TLL1: variants seen among roughly 807,000 people sequenced by gnomAD.
TLL1 encodes tolloid like 1, also known as tolloid-like protein 1.
TLL1 carries 49 observed loss-of-function variants against 128.2 expected under a neutral mutation model. The observed-to-expected ratio is 0.38, with a 90% CI of 0.30 to 0.48. The LOEUF (loss-of-function observed/expected upper bound fraction) is 0.48, where lower values mean the gene tolerates loss of function less well. TLL1 is among the 20% of genes least tolerant of loss of function. The pLI, the probability that TLL1 is intolerant of heterozygous loss-of-function variation, is 0.96. For missense variants in TLL1, 1,123 were observed against 1,242.0 expected (o/e 0.90, Z 1.44); for synonymous variants, 454 against 418.8 (o/e 1.08, Z -1.03).
At chr4:165,998,034 C>T (rs930727952) in intron 5 of TLL1, among the ~76,000 whole-genome samples, 2 of 152,158 alleles carry the variant, frequency 1.3e-5, no homozygotes, top group Non-Finnish European at 2.9e-5. Flanking sequence ...ACTTTCTCAG[C>T]TACTTATCCT....
intron 14 of TLL1, 91 bp downstream of exon 14, chr4:166,057,400 T>G: frequency 1.9e-6 from 3 of 1,540,164 alleles, no homozygotes; most frequent in Non-Finnish European, 1.8e-6. Context: ...TTTCTTTCCC[T>G]TTTTCCTATA....
At chr4:166,058,681 C>G (rs1269018943) in intron 14 of TLL1, among the ~76,000 whole-genome samples, 1 of 152,114 alleles carries the variant, frequency 6.6e-6, no homozygotes, top group Non-Finnish European at 1.5e-5. Context: ...CTTTATTCCT[C>G]TTTTAAAATT....
intron 1 of TLL1, among the ~76,000 whole-genome samples, chr4:165,942,516 G>T (rs536900246): frequency 6.6e-6 from 1 of 151,762 alleles, no homozygotes; most frequent in African/African-American, 2.4e-5. Context: ...TGTATCACCA[G>T]AACGTAATCT....
intron 7 of TLL1, among the ~76,000 whole-genome samples, chr4:166,009,761 T>C (rs1737600158): frequency 6.6e-6 from 1 of 151,450 alleles, no homozygotes; most frequent in African/African-American, 2.4e-5. Flanking sequence ...AAAGAAAAAT[T>C]TGACATAGGT....
At chr4:165,945,628 T>C (rs1734210748) in intron 1 of TLL1, among the ~76,000 whole-genome samples, 2 of 151,896 alleles carry the variant, frequency 1.3e-5, no homozygotes, top group Non-Finnish European at 2.9e-5. Flanking sequence ...GAACAACAAC[T>C]AAAAAGATTA....
rs571432761 is a variant in TLL1, at chr4:166,095,299, G to A, written c.2656+3958G>A. On this transcript the variant is annotated intron_variant, in intron 19 of 20. Coordinates refer to ENST00000061240, the MANE Select transcript of TLL1 (RefSeq NM_012464.5). Reference sequence around the variant, plus strand: ...CGGAAAATGGACTTAATTGGAAAGAGTTCTTTTTTCCTCTGATAGTTTGCT... The same window carrying A: ...CGGAAAATGGACTTAATTGGAAAGAATTCTTTTTTCCTCTGATAGTTTGCT... Among the ~76,000 whole-genome samples the A allele has an allele frequency of 1.1e-4, 17 of 152,158 alleles. No homozygotes were observed. The South Asian group carries it at 3.1e-3, about 28-fold the overall frequency.
At chr4:165,928,765 T>G (rs1467164350) in intron 1 of TLL1, among the ~76,000 whole-genome samples, 1 of 152,160 alleles carries the variant, frequency 6.6e-6, no homozygotes, top group Non-Finnish European at 1.5e-5. Flanking sequence ...ACAGCCTCAT[T>G]TACAGTCCCA....
intron 1 of TLL1, among the ~76,000 whole-genome samples, chr4:165,983,401 G>T (rs2111000192): frequency 6.6e-6 from 1 of 151,916 alleles, no homozygotes; most frequent in South Asian, 2.1e-4. Flanking sequence ...AACAGAAAAG[G>T]ATTGAAAAAG....
intron 1 of TLL1, among the ~76,000 whole-genome samples, chr4:165,899,137 T>A (rs1471728411): frequency 1.1e-5 from 1 of 89,648 alleles, no homozygotes; most frequent in East Asian, 8.0e-4. Flanking sequence ...TGGCTAGTGG[T>A]CTATCTATTT....
At chr4:166,055,754 G>A (rs1739975948) in intron 13 of TLL1, among the ~76,000 whole-genome samples, 1 of 152,056 alleles carries the variant, frequency 6.6e-6, no homozygotes, top group African/African-American at 2.4e-5. Context: ...GATCAGCTTT[G>A]ATTTTGAAAT....
In TLL1 at chr4:165,923,967, G is replaced by T. The variant is rs559816820; in HGVS notation, c.169+49894G>T. 4.6e-5 allele frequency among the ~76,000 whole-genome samples: 7 copies of T among 152,104 alleles called. No individual in the cohort carries two copies. The East Asian group carries it at 7.7e-4, about 17-fold the overall frequency. On this transcript the variant is annotated intron_variant, in intron 1 of 20. Transcript: ENST00000061240. ...TTGATGATCTTTGATGCTATTCTTGGAATTGTTTTGGAGCACCATGAACCA... is the reference window on the plus strand; with the variant it reads ...TTGATGATCTTTGATGCTATTCTTGTAATTGTTTTGGAGCACCATGAACCA...
intron 3 of TLL1, 101 bp downstream of exon 3, chr4:165,992,985 G>A: frequency 1.0e-6 from 1 of 986,198 alleles, no homozygotes; most frequent in Non-Finnish European, 1.6e-6. Context: ...ATTATGATGT[G>A]AAGTATGTAA....
chr4:166,071,413 C>G (rs1027684209), intron 16 of TLL1, among the ~76,000 whole-genome samples: 2 of 151,824 alleles, frequency 1.3e-5, no homozygotes, highest in Non-Finnish European at 2.9e-5. Flanking sequence ...CATGTCCATT[C>G]CAAAGAAGGG....
At chr4:165,968,795 A>T (rs1376103237) in intron 1 of TLL1, among the ~76,000 whole-genome samples, 1 of 151,914 alleles carries the variant, frequency 6.6e-6, no homozygotes, top group East Asian at 1.9e-4. Flanking sequence ...ATCTTTTAAA[A>T]GTCAGAGTTT....
intron 12 of TLL1, among the ~76,000 whole-genome samples, chr4:166,046,859 C>T (rs1307029105): frequency 6.6e-6 from 1 of 152,104 alleles, no homozygotes; most frequent in Non-Finnish European, 1.5e-5. Context: ...GTTCAGTATT[C>T]CGAGCAACTT....
At chr4:165,874,156 T>C in intron 1 of TLL1, 83 bp downstream of exon 1, 3 of 1,538,602 alleles carry the variant, frequency 1.9e-6, no homozygotes, top group Non-Finnish European at 2.7e-6. Context: ...GGAGCTCACC[T>C]GTTTCCTTCC....
intron 1 of TLL1, among the ~76,000 whole-genome samples, chr4:165,922,799 T>C (rs1437560950): frequency 6.6e-6 from 1 of 152,214 alleles, no homozygotes; most frequent in African/African-American, 2.4e-5. Context: ...TATATGTATG[T>C]AAACACTGGA....
At chr4:166,043,826 T>A (rs77098599) in intron 12 of TLL1, among the ~76,000 whole-genome samples, 1 of 149,174 alleles carries the variant, frequency 6.7e-6, no homozygotes, top group African/African-American at 2.5e-5. Context: ...TTTTTTTTTT[T>A]ACCATAACAC....
chr4:166,006,637 G>A (rs1480114321), intron 6 of TLL1, among the ~76,000 whole-genome samples: 1 of 151,708 alleles, frequency 6.6e-6, no homozygotes, highest in Non-Finnish European at 1.5e-5. Flanking sequence ...TCTATCATGG[G>A]TTGAAGAGTA....
Sources: gnomAD v4.1 joint callset for allele counts (sites outside exome capture counted in the v4.1 genomes callset) on GRCh38, gnomAD v4.1.1 for gene constraint, MANE v1.5 for transcripts, NCBI Gene and HGNC (gene_info 2026-07-23, HGNC 2026-07-21) for gene names.